ANKRD11: variants seen among roughly 807,000 people sequenced by gnomAD.
The protein encoded by ANKRD11 is ankyrin repeat domain 11.
Under a neutral mutation model 195.7 loss-of-function variants are expected in ANKRD11, and 17 were observed. That is an observed-to-expected ratio of 0.09 (90% confidence interval 0.06 to 0.13). The LOEUF is 0.13. Ranked by LOEUF, ANKRD11 falls within the 10% of genes least tolerant of loss-of-function variation. The probability of loss-of-function intolerance (pLI) is 1.00; values close to 1 mark genes in which losing one functional copy is unlikely to be tolerated. For synonymous variants in ANKRD11, 1,953 were observed against 1,528.1 expected (o/e 1.28, Z -6.49); for missense variants, 3,735 against 3,566.1 (o/e 1.05, Z -1.21).
intron 1 of ANKRD11, among the ~76,000 whole-genome samples, chr16:89,464,119 G>A (rs200995140): frequency 6.6e-6 from 1 of 151,680 alleles, no homozygotes; most frequent in Non-Finnish European, 1.5e-5. Flanking sequence ...GGCGCCTGTA[G>A]TCCCAGCTAC....
At position 89,279,216 on chromosome 16, in the gene ANKRD11, C is replaced by T. The variant is rs2033940306; in HGVS notation, c.7326G>A (p.Leu2442=). The T allele has an allele frequency of 6.2e-7, 1 of 1,612,150 alleles. No homozygotes were observed. Among genetic ancestry groups the T allele is most frequent in the Non-Finnish European group, 8.5e-7 (1 of 1,179,838 alleles). Residue 2442 remains leucine, a synonymous_variant, in exon 9 of 13, where the codon CTG becomes CTA. Transcript: ENST00000301030. The surrounding 1 kb of genome is among the most constrained non-coding windows in gnomAD (Gnocchi z 5.6). ...TCTCCTCGATCTTCTTCCTGATCTG[C>T]AGGTATTCGAAGTAGGGGTTGGCCC... ...SDRANPYFEY[L]QIRKKIEEKR... is the part of the protein sequence containing the mutation.
At chr16:89,273,336 C>T (rs1001301508) in intron 11 of ANKRD11, among the ~76,000 whole-genome samples, 4 of 152,120 alleles carry the variant, frequency 2.6e-5, no homozygotes, top group Admixed American at 6.5e-5. Flanking sequence ...CTCTCACCTG[C>T]GGTACAAGAA....
At position 89,291,983 on chromosome 16, in the gene ANKRD11, C is replaced by T. The variant is rs1005822581; in HGVS notation, c.227-800G>A. 6.6e-6 allele frequency among the ~76,000 whole-genome samples: 1 copy of T among 152,172 alleles called. No homozygotes were observed. Among genetic ancestry groups the T allele is most frequent in the Non-Finnish European group, 1.5e-5 (1 of 68,028 alleles). ...AGAGAAGACCCCAAGCACCAAGAGT[C>T]GGGGGCACAGAAGATGCCTCCTCCT... On this transcript the variant is annotated intron_variant, in intron 4 of 12. Transcript: ENST00000301030. The surrounding 1 kb of genome is among the most constrained non-coding windows in gnomAD (Gnocchi z 5.3).
intron 1 of ANKRD11, among the ~76,000 whole-genome samples, chr16:89,480,214 C>CG (rs1323217637): frequency 2.0e-5 from 3 of 152,052 alleles, no homozygotes; most frequent in Non-Finnish European, 4.4e-5. Context: ...TGATGGCTGA[C>CG]GCCTGTAATC....
At chr16:89,482,521 T>C (rs13339021) in intron 1 of ANKRD11, among the ~76,000 whole-genome samples, 2,687 of 152,290 alleles carry the variant, frequency 0.018, 37 homozygotes, top group Middle Eastern at 0.034. Flanking sequence ...CCCTGGAACC[T>C]GTGAATGCCT....
chr16:89,456,331 T>C (rs1347405519), intron 1 of ANKRD11, among the ~76,000 whole-genome samples: 3 of 150,754 alleles, frequency 2.0e-5, no homozygotes, highest in African/African-American at 4.9e-5. Flanking sequence ...GGCAGACCAC[T>C]TGAGGTCAGG....
intron 1 of ANKRD11, among the ~76,000 whole-genome samples, chr16:89,477,763 G>A (rs1340890234): frequency 6.6e-6 from 1 of 151,786 alleles, no homozygotes; most frequent in Non-Finnish European, 1.5e-5. Context: ...CCTGAGGTCA[G>A]GAGTTCAAGA....
At chr16:89,483,975 G>A (rs559265259) in intron 1 of ANKRD11, among the ~76,000 whole-genome samples, 1 of 152,226 alleles carries the variant, frequency 6.6e-6, no homozygotes, top group African/African-American at 2.4e-5. Context: ...TTATAGTGAA[G>A]AAAAAATCCA....
At chr16:89,314,398 G>A (rs529298079) in intron 3 of ANKRD11, among the ~76,000 whole-genome samples, 2 of 152,244 alleles carry the variant, frequency 1.3e-5, no homozygotes, top group African/African-American at 2.4e-5. Flanking sequence ...ACATTATCAG[G>A]CCAGTTCATC....
At chr16:89,370,009 A>G (rs987447556) in intron 2 of ANKRD11, among the ~76,000 whole-genome samples, 1 of 152,202 alleles carries the variant, frequency 6.6e-6, no homozygotes, top group Non-Finnish European at 1.5e-5. Context: ...TGGCCCCTTC[A>G]GGAAGAGCCA....
In ANKRD11 at chr16:89,286,579, G is replaced by A. The variant is rs951368089; in HGVS notation, c.745-393C>T. ...TCAGCAGAGTGGTGCCGGAGTGGTC[G>A]TGGAGGGCTCAGGCAAGAGGTTAGG... On this transcript the variant is annotated intron_variant, in intron 7 of 12. Coordinates refer to ENST00000301030, the MANE Select transcript of ANKRD11 (RefSeq NM_013275.6). 3.9e-5 allele frequency: 38 copies of A among 986,996 alleles called. No individual in the cohort carries two copies. The Admixed American group carries it at 5.4e-4, about 14-fold the overall frequency. 61.1% of individuals were successfully genotyped at this position (986,996 alleles called of 1,614,324 possible). A position where few individuals can be genotyped will look rare whatever the true frequency, so the allele number is the denominator to read the frequency against.
intron 2 of ANKRD11, chr16:89,370,749 G>C (rs1463085093): frequency 6.6e-6 from 1 of 152,330 alleles, no homozygotes; most frequent in Non-Finnish European, 1.5e-5. Context: ...TGCTGGGAAA[G>C]GTTTCCATGA....
At chr16:89,395,617 G>A (rs768870756) in intron 2 of ANKRD11, 4 of 152,244 alleles carry the variant, frequency 2.6e-5, no homozygotes, top group Non-Finnish European at 5.9e-5. Flanking sequence ...GCAAGCATAG[G>A]TATCAGGGGA....
chr16:89,296,263 G>A (rs1221810712), intron 4 of ANKRD11, among the ~76,000 whole-genome samples: 3 of 151,928 alleles, frequency 2.0e-5, no homozygotes, highest in Admixed American at 1.3e-4. Context: ...TGAATTTGAG[G>A]CTTGTGTTTT....
At chr16:89,369,420 G>T (rs532773060) in intron 2 of ANKRD11, among the ~76,000 whole-genome samples, 1 of 152,370 alleles carries the variant, frequency 6.6e-6, no homozygotes, top group South Asian at 2.1e-4. Flanking sequence ...GATGCCTGCT[G>T]CAGCAAGGGT....
chr16:89,281,700 C>T lies in ANKRD11; in HGVS notation c.4842G>A (p.Arg1614=), dbSNP rs756978193. 1 of 1,614,156 alleles carries T rather than the reference C, an allele frequency of 6.2e-7. No individual in the cohort carries two copies. Among genetic ancestry groups the T allele is most frequent in the South Asian group, 1.1e-5 (1 of 91,076 alleles). ...RMKQMEKLRH[R]SGDPKLKEKA... is the part of the protein sequence containing the mutation. The stretch of plus-strand genomic sequence containing the variant: ...TCTCCTTGAGCTTGGGGTCTCCGGA[C>T]CGGTGCCTCAGCTTCTCCATTTGCT... The change falls in exon 9 of 13, where the codon CGG becomes CGA. Residue 1614 remains arginine, a synonymous_variant. Transcript: ENST00000301030. The surrounding 1 kb of genome is among the most constrained non-coding windows in gnomAD (Gnocchi z 5.5).
At position 89,372,231 on chromosome 16, in the gene ANKRD11, G is replaced by T. The variant is rs138712438; in HGVS notation, c.-60+46053C>A. Among the ~76,000 whole-genome samples the T allele has an allele frequency of 6.4e-3, 978 of 152,356 alleles. 17 individuals are homozygous for T. Among genetic ancestry groups the T allele is most frequent in the African/African-American group, 0.023 (937 of 41,572 alleles). ...ATGGATCCTGACACTCAGAGCTGGG[G>T]AAAGAGCCACACGTCCTCCTGCAGC... On this transcript the variant is annotated intron_variant, in intron 2 of 12. Coordinates refer to ENST00000301030, the MANE Select transcript of ANKRD11 (RefSeq NM_013275.6).
chr16:89,376,490 T>G (rs530818777), intron 2 of ANKRD11, among the ~76,000 whole-genome samples: 2 of 152,244 alleles, frequency 1.3e-5, no homozygotes, highest in East Asian at 1.9e-4. Context: ...CAGGCTGGAG[T>G]GCAGTGGCAT....
chr16:89,311,682 AAGAG>A (rs760040702), intron 3 of ANKRD11, among the ~76,000 whole-genome samples: 5 of 152,220 alleles, frequency 3.3e-5, no homozygotes, highest in Non-Finnish European at 7.3e-5. Context: ...AGGATTTTAA[AAGAG>A]AGCACGAGTT....
Sources: gnomAD v4.1 joint callset for allele counts (sites outside exome capture counted in the v4.1 genomes callset) on GRCh38, gnomAD v4.1.1 for gene constraint, Gnocchi (gnomAD v3.1) non-coding constraint, MANE v1.5 for transcripts, NCBI Gene and HGNC (gene_info 2026-07-23, HGNC 2026-07-21) for gene names.